Variants in SLC30A2 observed in about 807,000 individuals in gnomAD.
SLC30A2 encodes the protein proton-coupled zinc antiporter SLC30A2.
A neutral mutation model predicts 39.6 loss-of-function variants in SLC30A2; 19 were observed. That is an observed-to-expected ratio of 0.48 (90% CI 0.34 to 0.70). The LOEUF is 0.70. Ranked by LOEUF, SLC30A2 falls within the 30% of genes least tolerant of loss-of-function variation. SLC30A2 has a pLI of 0.01. For missense variants in SLC30A2, 387 were observed against 479.4 expected, an observed-to-expected ratio of 0.81 and a Z score of 1.80; for synonymous variants, 195 against 194.8, an observed-to-expected ratio of 1.00 and a Z score of -0.01.
rs770513269 is a variant in SLC30A2, at chr1:26,044,340, G to A, written c.376C>T (p.Arg126Trp). 30 of 1,613,890 alleles carry A rather than the reference G, an allele frequency of 1.9e-5. No individual in the cohort carries two copies. Among genetic ancestry groups the A allele is most frequent in the Admixed American group, 3.3e-5 (2 of 60,004 alleles). ...ISLFSLWMSSRPATKTMNFGW... is the reference protein window; with the variant it reads ...ISLFSLWMSSWPATKTMNFGW... ...AAGTTCATGGTCTTGGTGGCTGGCCGGGAGGACATCCAGAGGGAGAAGAGG... is the reference window on the plus strand; with the variant it reads ...AAGTTCATGGTCTTGGTGGCTGGCCAGGAGGACATCCAGAGGGAGAAGAGG... Residue 126 changes from arginine to tryptophan, a missense_variant, in exon 3 of 8, where the codon CGG becomes TGG. Transcript: ENST00000374276.
chr1:26,045,971 CG>C lies in SLC30A2; in HGVS notation c.-76del. 1 of 1,587,690 alleles carries C rather than the reference CG, an allele frequency of 6.3e-7. No individual in the cohort carries two copies. The highest frequency in any genetic ancestry group is 8.5e-7 in the Non-Finnish European group (1 of 1,173,592). ...GCCCTGAAAGTTGCGCGCGGGACTC[CG>C]GGTGGCGCTCACCCACCTGCCCCGA... On this transcript the variant is annotated 5_prime_UTR_variant, in exon 1 of 8. Transcript: ENST00000374276.
intron 2 of SLC30A2, among the ~76,000 whole-genome samples, chr1:26,044,740 C>T (rs530596432): frequency 6.6e-6 from 1 of 152,380 alleles, no homozygotes; most frequent in South Asian, 2.1e-4. Context: ...TTCAGGCCTT[C>T]CCTTAGCTAC....
chr1:26,044,980 A>G lies in SLC30A2; in HGVS notation c.271+17T>C. 3 of 1,609,366 alleles carry G rather than the reference A, an allele frequency of 1.9e-6. No individual in the cohort carries two copies. Among genetic ancestry groups the G allele is most frequent in the Non-Finnish European group, 2.6e-6 (3 of 1,175,722 alleles). On this transcript the variant is annotated intron_variant, in intron 2 of 7. Coordinates refer to ENST00000374276, the MANE Select transcript of SLC30A2 (RefSeq NM_001004434.3). ...ATCCATGCACCAACTTCATTTAATTAGCCCAAAAGTGCTTACCAACGACTT... is the reference window on the plus strand; with the variant it reads ...ATCCATGCACCAACTTCATTTAATTGGCCCAAAAGTGCTTACCAACGACTT...
chr1:26,037,374 C>T lies in SLC30A2; in HGVS notation c.*1786G>A, dbSNP rs2050352470. 2 of 152,228 alleles carry T rather than the reference C, an allele frequency of 1.3e-5. No individual in the cohort carries two copies. Among genetic ancestry groups the T allele is most frequent in the Non-Finnish European group, 2.9e-5 (2 of 68,114 alleles). 9.4% of individuals were successfully genotyped at this position (152,228 alleles called of 1,614,324 possible). On this transcript the variant is annotated 3_prime_UTR_variant, in exon 8 of 8. Coordinates refer to ENST00000374276, the MANE Select transcript of SLC30A2 (RefSeq NM_001004434.3). ...TCAGCCTCCCGAGTAGCTGGGATTA[C>T]AGGCACAAGCCACCACGCCTGGCTA...
At chr1:26,043,023 C>G (rs1234063335) in intron 4 of SLC30A2, among the ~76,000 whole-genome samples, 1 of 152,178 alleles carries the variant, frequency 6.6e-6, no homozygotes, top group Non-Finnish European at 1.5e-5. Context: ...AACAAAGACC[C>G]CGAAAGAGAC....
rs1471602778 is a variant in SLC30A2 at position 26,045,214 on chromosome 1, T to C, written c.54A>G (p.Ser18=). 22 of 1,610,064 alleles carry C rather than the reference T, an allele frequency of 1.4e-5. No homozygotes were observed. The highest frequency in any genetic ancestry group is 1.8e-5 in the Non-Finnish European group (21 of 1,178,304). The change falls in exon 2 of 8, where the codon TCA becomes TCG. Residue 18 remains serine (S), a synonymous_variant. Coordinates refer to ENST00000374276, the MANE Select transcript of SLC30A2 (RefSeq NM_001004434.3). ...HLLDARPAIR[S]YTGSLWQEGA... ...CTTCCTGCCACAGAGATCCCGTGTATGACCTGGCCAGAGGGGAAGAGAGGG... is the reference window on the plus strand; with the variant it reads ...CTTCCTGCCACAGAGATCCCGTGTACGACCTGGCCAGAGGGGAAGAGAGGG...
At chr1:26,040,272 G>A (rs1031270589) in intron 6 of SLC30A2, among the ~76,000 whole-genome samples, 4 of 151,838 alleles carry the variant, frequency 2.6e-5, no homozygotes, top group Admixed American at 6.6e-5. Flanking sequence ...TTTTTGAGAC[G>A]GAATCTTGCT....
At chr1:26,040,566 A>G (rs1228755356) in intron 6 of SLC30A2, among the ~76,000 whole-genome samples, 3 of 152,126 alleles carry the variant, frequency 2.0e-5, no homozygotes, top group Non-Finnish European at 4.4e-5. Context: ...ATATTTTTGA[A>G]TGGAAAGAAG....
rs957932111 is a variant in SLC30A2, at chr1:26,045,962, G to A, written c.-66C>T. 5.0e-6 allele frequency: 8 copies of A among 1,594,870 alleles called. No homozygotes were observed. Among genetic ancestry groups the A allele is most frequent in the Non-Finnish European group, 6.8e-6 (8 of 1,176,350 alleles). ...GCCGAGTGCGCCCTGAAAGTTGCGC[G>A]CGGGACTCCGGGTGGCGCTCACCCA... On this transcript the variant is annotated 5_prime_UTR_variant, in exon 1 of 8. Transcript: ENST00000374276.
chr1:26,041,135 C>A (rs1211125747), intron 6 of SLC30A2, among the ~76,000 whole-genome samples: 1 of 152,022 alleles, frequency 6.6e-6, no homozygotes, highest in Non-Finnish European at 1.5e-5. Context: ...TAATTCAGGG[C>A]AGACCAGATC....
At chr1:26,040,691 C>G (rs986459001) in intron 6 of SLC30A2, among the ~76,000 whole-genome samples, 1 of 152,176 alleles carries the variant, frequency 6.6e-6, no homozygotes, top group Non-Finnish European at 1.5e-5. Context: ...GACCTGCAGC[C>G]AAATACTGCT....
Position 26,041,812 on chromosome 1 carries a change from G to A in SLC30A2, c.733-7C>T, listed in dbSNP as rs767921934. The A allele has an allele frequency of 3.5e-5, 54 of 1,560,162 alleles. No homozygotes were observed. Among genetic ancestry groups the A allele is most frequent in the Non-Finnish European group, 1.4e-5 (16 of 1,131,520 alleles). ...CTACATACTTGTATTCTGGCTGCAG[G>A]AAGACAGGAAGGCAGACCTGGAGTT... On this transcript the variant is annotated splice_region_variant and splice_polypyrimidine_tract_variant and intron_variant, in intron 5 of 7. Coordinates refer to ENST00000374276, the MANE Select transcript of SLC30A2 (RefSeq NM_001004434.3).
Position 26,038,978 on chromosome 1 carries a change from C to T in SLC30A2, c.*182G>A. 1 of 1,389,816 alleles carries T rather than the reference C, an allele frequency of 7.2e-7. No individual in the cohort carries two copies. The highest frequency in any genetic ancestry group is 1.4e-5 in the African/African-American group (1 of 69,156). 86.1% of individuals were successfully genotyped at this position (1,389,816 alleles called of 1,614,324 possible). ...TAGCTTTATACCCGCTGAGTCCCCA[C>T]CCTGGCTGTAGTCAGATGGGAGGCT... On this transcript the variant is annotated 3_prime_UTR_variant, in exon 8 of 8. Coordinates refer to ENST00000374276, the MANE Select transcript of SLC30A2 (RefSeq NM_001004434.3).
At chr1:26,041,262 CT>C (rs1449542039) in intron 6 of SLC30A2, among the ~76,000 whole-genome samples, 1 of 152,212 alleles carries the variant, frequency 6.6e-6, no homozygotes, top group African/African-American at 2.4e-5. Flanking sequence ...GATTCAGTAG[CT>C]TTGTCCAAGG....
chr1:26,039,099 G>T lies in SLC30A2; in HGVS notation c.*61C>A. On this transcript the variant is annotated 3_prime_UTR_variant, in exon 8 of 8. Coordinates refer to ENST00000374276, the MANE Select transcript of SLC30A2 (RefSeq NM_001004434.3). The surrounding 1 kb of genome is among the most constrained non-coding windows in gnomAD (Gnocchi z 4.3). ...GGCAAAGTCCTGGCTGGGCCTGGGG[G>T]ACACTCAGTCCAGCCACCTGCAGGT... 6.3e-7 allele frequency: 1 copy of T among 1,583,906 alleles called. No individual in the cohort carries two copies. Among genetic ancestry groups the T allele is most frequent in the South Asian group, 1.1e-5 (1 of 88,762 alleles).
intron 6 of SLC30A2, 99 bp downstream of exon 6, chr1:26,041,601 G>A (rs1021500173): frequency 4.1e-6 from 3 of 734,942 alleles, no homozygotes; most frequent in East Asian, 2.8e-5. Context: ...CTGGCTCCCC[G>A]CCCATGTGCT....
intron 4 of SLC30A2, among the ~76,000 whole-genome samples, chr1:26,042,927 G>A (rs2050415228): frequency 6.6e-6 from 1 of 152,252 alleles, no homozygotes; most frequent in Non-Finnish European, 1.5e-5. Flanking sequence ...CAATGCCACA[G>A]TGTCAAATCT....
At position 26,045,721 on chromosome 1, in the gene SLC30A2, C is replaced by T; in HGVS notation, c.50+126G>A. 8.1e-6 allele frequency: 12 copies of T among 1,477,512 alleles called. 1 individual carries two copies. Among genetic ancestry groups the T allele is most frequent in the Non-Finnish European group, 1.1e-5 (12 of 1,079,812 alleles). The allele number at this position is 1,477,512 out of a possible 1,614,324, so 91.5% of individuals were successfully genotyped here. ...GCCCATTATCTTCGTTCCCTCACCT[C>T]ACCCCACCCCTCCTGCATGGTCCCA... On this transcript the variant is annotated intron_variant, in intron 1 of 7. Transcript: ENST00000374276.
At position 26,039,547 on chromosome 1, in the gene SLC30A2, CT is replaced by C. The variant is rs1471025745; in HGVS notation, c.973+229del. On this transcript the variant is annotated intron_variant, in intron 7 of 7. Transcript: ENST00000374276. The surrounding 1 kb of genome is among the most constrained non-coding windows in gnomAD (Gnocchi z 4.3). ...TCTGCCACCTACTGCCATATACTAG[CT>C]GTAAAAGCCTGGGCAAGTAACTTTA... Among the ~76,000 whole-genome samples the C allele has an allele frequency of 2.6e-5, 4 of 152,392 alleles. No homozygotes were observed. Among genetic ancestry groups the C allele is most frequent in the South Asian group, 2.1e-4 (1 of 4,828 alleles).
Sources: gnomAD v4.1 joint callset for allele counts (sites outside exome capture counted in the v4.1 genomes callset) on GRCh38, gnomAD v4.1.1 for gene constraint, Gnocchi (gnomAD v3.1) non-coding constraint, MANE v1.5 for transcripts, NCBI Gene and HGNC (gene_info 2026-07-23, HGNC 2026-07-21) for gene names.